Variants in NEK10 observed in about 807,000 individuals in gnomAD.
NEK10 encodes NIMA related kinase 10.
In NEK10, 122 loss-of-function variants were observed where a neutral mutation model predicts 159.8. The observed-to-expected ratio is 0.76, with a 90% confidence interval of 0.66 to 0.89. NEK10 has a LOEUF of 0.89. Among genes scored for constraint, NEK10 ranks in the 40% least tolerant of loss-of-function variants. The probability of loss-of-function intolerance (pLI) is 0.00; values close to 1 mark genes in which losing one functional copy is unlikely to be tolerated. For missense variants in NEK10, 1,342 were observed against 1,323.1 expected (o/e 1.01, Z -0.22); for synonymous variants, 466 against 457.1 (o/e 1.02, Z -0.25).
At chr3:27,307,818 A>T (rs2044359634) in intron 11 of NEK10, 41 bp downstream of exon 11, 3 of 898,104 alleles carry the variant, frequency 3.3e-6, no homozygotes, top group Non-Finnish European at 5.6e-6. Flanking sequence ...TCTGTCAAAT[A>T]AAGGCACTGC....
intron 30 of NEK10, among the ~76,000 whole-genome samples, chr3:27,152,875 C>CA (rs1236675915): frequency 4.0e-5 from 6 of 151,640 alleles, no homozygotes; most frequent in Admixed American, 1.3e-4. Context: ...TTATATCAGA[C>CA]AAAAAAAACT....
At chr3:27,276,625 C>T (rs1236059578) in intron 22 of NEK10, among the ~76,000 whole-genome samples, 1 of 152,184 alleles carries the variant, frequency 6.6e-6, no homozygotes, top group African/African-American at 2.4e-5. Flanking sequence ...TTTAACTAAG[C>T]ATGTCCAAAA....
At chr3:27,206,665 C>G in intron 23 of NEK10, 1 of 981,454 alleles carries the variant, frequency 1.0e-6, no homozygotes, top group Non-Finnish European at 1.2e-6. Context: ...TCAAGCCCCT[C>G]AAGTGCGCAC....
At chr3:27,321,074 C>A (rs1174722060) in intron 6 of NEK10, among the ~76,000 whole-genome samples, 1 of 151,852 alleles carries the variant, frequency 6.6e-6, no homozygotes, top group East Asian at 1.9e-4. Flanking sequence ...ACTCAAATAA[C>A]AATTCATCAA....
rs1953707043 is a variant in NEK10 at position 27,234,683 on chromosome 3, A to G, written c.2090+21613T>C. On this transcript the variant is annotated intron_variant, in intron 23 of 35. Coordinates refer to ENST00000691995, the MANE Select transcript of NEK10 (RefSeq NM_001394966.1). ...GAATCAATACTGTGAAAATGGCCAT[A>G]CTGCCCAAAGCAATTCATACATTCA... Among the ~76,000 whole-genome samples, 2 of 152,176 alleles carry G rather than the reference A, an allele frequency of 1.3e-5. 1 individual carries two copies. Among genetic ancestry groups the G allele is most frequent in the South Asian group, 4.1e-4 (2 of 4,828 alleles).
chr3:27,188,770 C>G (rs1452752500), intron 26 of NEK10, among the ~76,000 whole-genome samples: 1 of 152,158 alleles, frequency 6.6e-6, no homozygotes, highest in Admixed American at 6.5e-5. Flanking sequence ...CCCAATAATT[C>G]TAATGGAATT....
At chr3:27,308,290 C>T (rs2044402271) in intron 10 of NEK10, among the ~76,000 whole-genome samples, 1 of 152,170 alleles carries the variant, frequency 6.6e-6, no homozygotes, top group Non-Finnish European at 1.5e-5. Context: ...ATGACCTCCA[C>T]CTGGTCTCTC....
At chr3:27,270,275 G>A (rs2041231554) in intron 22 of NEK10, among the ~76,000 whole-genome samples, 1 of 152,084 alleles carries the variant, frequency 6.6e-6, no homozygotes, top group Admixed American at 6.6e-5. Context: ...AGCCCTCAAG[G>A]ATAAAAGGCC....
intron 35 of NEK10, among the ~76,000 whole-genome samples, chr3:27,114,115 G>A (rs1575345183): frequency 2.0e-5 from 3 of 152,176 alleles, no homozygotes; most frequent in African/African-American, 2.4e-5. Flanking sequence ...GAAGAGCTAC[G>A]AGGCTGGCCA....
chr3:27,328,447 C>T (rs1036726010), intron 5 of NEK10, among the ~76,000 whole-genome samples: 1 of 152,106 alleles, frequency 6.6e-6, no homozygotes, highest in African/African-American at 2.4e-5. Flanking sequence ...GGGATTGATC[C>T]ATATGGATGT....
Position 27,153,213 on chromosome 3 carries a change from G to A in NEK10, c.2869+9488C>T, listed in dbSNP as rs150671375. ...CGGGCGCCTATAGTCTCAGCTACTC[G>A]GGAGGCTGAGGCAGAAGAATGGCGT... On this transcript the variant is annotated intron_variant, in intron 30 of 35. Transcript: ENST00000691995. Among the ~76,000 whole-genome samples the A allele has an allele frequency of 3.8e-3, 572 of 151,940 alleles. 6 individuals carry two copies. Among genetic ancestry groups the A allele is most frequent in the African/African-American group, 0.012 (495 of 41,424 alleles).
At chr3:27,195,080 T>C (rs755486985) in intron 25 of NEK10, among the ~76,000 whole-genome samples, 4 of 152,266 alleles carry the variant, frequency 2.6e-5, no homozygotes, top group Non-Finnish European at 5.9e-5. Context: ...TGAGCTCTAC[T>C]TGACAAGGAT....
Position 27,301,836 on chromosome 3 carries a change from C to T in NEK10, c.1029-1G>A. 6.4e-7 allele frequency: 1 copy of T among 1,550,746 alleles called. No individual in the cohort carries two copies. The highest frequency in any genetic ancestry group is 8.7e-7 in the Non-Finnish European group (1 of 1,146,126). On this transcript the variant is annotated splice_acceptor_variant, in intron 12 of 35. Transcript: ENST00000691995. LOFTEE classifies it high-confidence loss of function. ...GTGATCAGAAACAAAATTTCTGTCT[C>T]TGAAAAAGAAAAGTTAATGCATAGA...
chr3:27,184,413 G>T (rs1357302082), intron 26 of NEK10, among the ~76,000 whole-genome samples: 1 of 152,138 alleles, frequency 6.6e-6, no homozygotes, highest in Non-Finnish European at 1.5e-5. Context: ...CTGGGGCAGA[G>T]AATTGTATAG....
At chr3:27,173,071 C>T (rs1052820165) in intron 28 of NEK10, among the ~76,000 whole-genome samples, 3 of 152,170 alleles carry the variant, frequency 2.0e-5, no homozygotes, top group African/African-American at 7.2e-5. Context: ...ATTGTACATA[C>T]TGTAAAAATT....
At chr3:27,167,285 C>A (rs1946571845) in intron 29 of NEK10, among the ~76,000 whole-genome samples, 1 of 152,196 alleles carries the variant, frequency 6.6e-6, no homozygotes, top group Non-Finnish European at 1.5e-5. Flanking sequence ...AGTCATTCAT[C>A]TATTAATTAA....
At chr3:27,336,059 A>G (rs2046780854) in intron 5 of NEK10, among the ~76,000 whole-genome samples, 1 of 152,184 alleles carries the variant, frequency 6.6e-6, no homozygotes, top group African/African-American at 2.4e-5. Context: ...CAAAGCATCA[A>G]TAAAACAAAA....
chr3:27,270,908 T>G (rs189026967), intron 22 of NEK10, among the ~76,000 whole-genome samples: 268 of 152,284 alleles, frequency 1.8e-3, no homozygotes, highest in Non-Finnish European at 3.2e-3. Flanking sequence ...TCAATATTCT[T>G]CTATTACATT....
At chr3:27,184,316 G>T (rs865822500) in intron 26 of NEK10, among the ~76,000 whole-genome samples, 1 of 152,284 alleles carries the variant, frequency 6.6e-6, no homozygotes, top group South Asian at 2.1e-4. Context: ...AAAAAAGCCA[G>T]CCACTAAAGA....
Sources: allele counts gnomAD v4.1 joint callset (sites outside exome capture counted in the v4.1 genomes callset), GRCh38; gene constraint gnomAD v4.1.1; transcripts MANE v1.5; gene names NCBI Gene and HGNC (gene_info 2026-07-23, HGNC 2026-07-21).